The following CSMD3 variants were observed in gnomAD, a reference collection of about 807,000 sequenced individuals.
CSMD3 encodes the protein CUB and Sushi multiple domains 3.
CSMD3 carries 177 observed loss-of-function variants against 435.2 expected under a neutral mutation model. The ratio of observed to expected loss-of-function variants is 0.41; its 90% confidence interval spans 0.36 to 0.46. The LOEUF (loss-of-function observed/expected upper bound fraction) is 0.46, where lower values mean the gene tolerates loss of function less well. CSMD3 is among the 20% of genes least tolerant of loss of function. CSMD3 has a pLI of 0.34. For missense variants in CSMD3, 4,265 were observed against 4,504.6 expected (o/e 0.95, Z 1.52); for synonymous variants, 1,656 against 1,520.5 (o/e 1.09, Z -2.07).
intron 23 of CSMD3, among the ~76,000 whole-genome samples, chr8:112,586,491 G>C (rs1157365418): frequency 6.6e-6 from 1 of 151,266 alleles, no homozygotes; most frequent in African/African-American, 2.4e-5. Flanking sequence ...TTATTTCAAA[G>C]TGTTTAAATA....
intron 10 of CSMD3, among the ~76,000 whole-genome samples, chr8:112,882,591 G>C (rs965125072): frequency 6.6e-6 from 1 of 151,842 alleles, no homozygotes; most frequent in Non-Finnish European, 1.5e-5. Flanking sequence ...TTTGGAAAGC[G>C]TGTGAACCAC....
At chr8:113,212,651 CA>C (rs1475652794) in intron 3 of CSMD3, among the ~76,000 whole-genome samples, 4 of 151,898 alleles carry the variant, frequency 2.6e-5, no homozygotes, top group Admixed American at 1.3e-4. Flanking sequence ...AAAAACCAAA[CA>C]CCGCATGTTC....
chr8:112,847,989 G>A (rs909564320), intron 11 of CSMD3, among the ~76,000 whole-genome samples: 2 of 152,086 alleles, frequency 1.3e-5, no homozygotes, highest in Non-Finnish European at 2.9e-5. Context: ...TTCACTACTT[G>A]TTTTTAAAAT....
At chr8:113,138,477 G>A (rs1030970568) in intron 4 of CSMD3, among the ~76,000 whole-genome samples, 12 of 151,272 alleles carry the variant, frequency 7.9e-5, no homozygotes, top group African/African-American at 2.7e-4. Context: ...AATATCTAGA[G>A]GTTAATTCCA....
At chr8:113,181,854 A>T (rs1022260486) in intron 3 of CSMD3, among the ~76,000 whole-genome samples, 4 of 152,048 alleles carry the variant, frequency 2.6e-5, no homozygotes, top group African/African-American at 9.7e-5. Context: ...TCAGAATAAT[A>T]GAAAAATATG....
intron 19 of CSMD3, among the ~76,000 whole-genome samples, chr8:112,645,568 A>ACTG (rs1554640840): frequency 6.6e-6 from 1 of 151,830 alleles, no homozygotes; most frequent in South Asian, 2.1e-4. Flanking sequence ...AAGAAAATGA[A>ACTG]TTAACTGTAT....
chr8:112,319,337 A>T (rs185204101), intron 46 of CSMD3, among the ~76,000 whole-genome samples: 17 of 152,284 alleles, frequency 1.1e-4, no homozygotes, highest in Non-Finnish European at 1.3e-4. Context: ...AACCAAAATC[A>T]ATATAATAAT....
At chr8:112,653,974 T>C (rs754739215) in intron 18 of CSMD3, among the ~76,000 whole-genome samples, 1 of 152,034 alleles carries the variant, frequency 6.6e-6, no homozygotes, top group Non-Finnish European at 1.5e-5. Context: ...ATCTTATTGA[T>C]AGTTTTTGTA....
At chr8:112,311,767 A>C (rs1327175395) in intron 49 of CSMD3, among the ~76,000 whole-genome samples, 1 of 152,210 alleles carries the variant, frequency 6.6e-6, no homozygotes, top group African/African-American at 2.4e-5. Context: ...AAATGCCAAC[A>C]GATACTGTCA....
chr8:113,367,337 A>G (rs1396940742), intron 1 of CSMD3, among the ~76,000 whole-genome samples: 1 of 151,942 alleles, frequency 6.6e-6, no homozygotes, highest in Non-Finnish European at 1.5e-5. Flanking sequence ...TAAACCTATT[A>G]TGAAGAAAGT....
At position 112,996,986 on chromosome 8, in the gene CSMD3, C is replaced by T. The variant is rs144047280; in HGVS notation, c.1031-20838G>A. On this transcript the variant is annotated intron_variant, in intron 6 of 70. Transcript: ENST00000297405. ...TCTTCTCATAGCCTGATTATGAATC[C>T]CTACTTCGGTGATTATTACTTAGAG... Among the ~76,000 whole-genome samples the T allele has an allele frequency of 3.4e-3, 521 of 151,476 alleles. 2 individuals are homozygous for T. The highest frequency in any genetic ancestry group is 0.012 in the African/African-American group (505 of 41,418).
intron 4 of CSMD3, among the ~76,000 whole-genome samples, chr8:113,135,452 T>TGA (rs1729489805): frequency 1.3e-5 from 2 of 151,796 alleles, no homozygotes; most frequent in Admixed American, 6.6e-5. Flanking sequence ...CTCCTACATA[T>TGA]GAGTTGACTG....
At chr8:112,956,498 T>C (rs2130842497) in intron 7 of CSMD3, among the ~76,000 whole-genome samples, 1 of 152,302 alleles carries the variant, frequency 6.6e-6, no homozygotes, top group South Asian at 2.1e-4. Flanking sequence ...AATCTACCTC[T>C]ACTTTTCTCT....
At chr8:112,794,661 T>C (rs2078781182) in intron 13 of CSMD3, among the ~76,000 whole-genome samples, 1 of 151,876 alleles carries the variant, frequency 6.6e-6, no homozygotes, top group African/African-American at 2.4e-5. Flanking sequence ...TGTACAGAAT[T>C]AGGAGAAATA....
At chr8:112,620,653 G>C (rs1033787147) in intron 22 of CSMD3, among the ~76,000 whole-genome samples, 1 of 152,076 alleles carries the variant, frequency 6.6e-6, no homozygotes, top group Non-Finnish European at 1.5e-5. Context: ...CAGACTTCCC[G>C]AGGCCAGCCA....
intron 6 of CSMD3, among the ~76,000 whole-genome samples, chr8:113,007,099 C>T (rs1469720884): frequency 2.0e-5 from 3 of 151,966 alleles, no homozygotes; most frequent in Non-Finnish European, 4.4e-5. Flanking sequence ...TCTTGTCCCT[C>T]TTCTTTCCTT....
intron 40 of CSMD3, among the ~76,000 whole-genome samples, chr8:112,350,650 A>G (rs1487630887): frequency 6.6e-6 from 1 of 152,130 alleles, no homozygotes; most frequent in Non-Finnish European, 1.5e-5. Flanking sequence ...AAGCATGAAT[A>G]GAAGTAATTT....
intron 27 of CSMD3, among the ~76,000 whole-genome samples, chr8:112,538,295 C>T (rs959187028): frequency 6.6e-5 from 10 of 151,858 alleles, no homozygotes; most frequent in African/African-American, 2.4e-4. Flanking sequence ...CAAGACAAGG[C>T]CAAGAATGAC....
At chr8:113,382,070 T>A (rs892868851) in intron 1 of CSMD3, among the ~76,000 whole-genome samples, 1 of 152,150 alleles carries the variant, frequency 6.6e-6, no homozygotes, top group Non-Finnish European at 1.5e-5. Flanking sequence ...CTTATAGATA[T>A]TACCATAAAA....
Sources: allele counts gnomAD v4.1 joint callset (sites outside exome capture counted in the v4.1 genomes callset), GRCh38; gene constraint gnomAD v4.1.1; transcripts MANE v1.5; gene names NCBI Gene and HGNC (gene_info 2026-07-23, HGNC 2026-07-21).